The following CNBD1 variants were observed in gnomAD, a reference collection of about 807,000 sequenced individuals.
CNBD1 encodes cyclic nucleotide-binding domain-containing protein 1.
In CNBD1, 71 loss-of-function variants were observed where a neutral mutation model predicts 54.4. The observed-to-expected ratio is 1.30, with a 90% CI of 1.08 to 1.59. The LOEUF (loss-of-function observed/expected upper bound fraction) is 1.59. CNBD1 is among the 40% of genes most tolerant of loss of function. The pLI, the probability that CNBD1 is intolerant of heterozygous loss-of-function variation, is 0.00. For synonymous variants in CNBD1, 182 were observed against 170.7 expected (o/e 1.07, Z -0.51); for missense variants, 659 against 518.0 (o/e 1.27, Z -2.64).
chr8:86,898,410 C>G (rs1434931418), intron 2 of CNBD1, among the ~76,000 whole-genome samples: 1 of 152,060 alleles, frequency 6.6e-6, no homozygotes, highest in Non-Finnish European at 1.5e-5. Flanking sequence ...GAAATGAATA[C>G]TCAGATTCAA....
chr8:87,012,043 C>T (rs976319045), intron 4 of CNBD1, among the ~76,000 whole-genome samples: 1 of 152,116 alleles, frequency 6.6e-6, no homozygotes, highest in African/African-American at 2.4e-5. Flanking sequence ...GTGAAATTCT[C>T]TAGGGGACAT....
At chr8:87,416,468 C>G (rs1395809987) in intron 2 of CNBD1, among the ~76,000 whole-genome samples, 1 of 151,952 alleles carries the variant, frequency 6.6e-6, no homozygotes, top group Non-Finnish European at 1.5e-5. Flanking sequence ...CCCTATCCAG[C>G]TCTGGGGAAG....
chr8:87,248,898 A>C (rs993940427), intron 6 of CNBD1, among the ~76,000 whole-genome samples: 1 of 152,152 alleles, frequency 6.6e-6, no homozygotes, highest in African/African-American at 2.4e-5. Context: ...TAAATAAAAT[A>C]ATGAGAGGGC....
chr8:87,153,304 A>G (rs1384373233), intron 4 of CNBD1, among the ~76,000 whole-genome samples: 5 of 152,152 alleles, frequency 3.3e-5, no homozygotes, highest in East Asian at 1.9e-4. Context: ...TTCTACATCA[A>G]TTTTCTGGAT....
At chr8:87,321,825 T>A (rs1293641240) in intron 8 of CNBD1, among the ~76,000 whole-genome samples, 3 of 151,286 alleles carry the variant, frequency 2.0e-5, no homozygotes, top group Non-Finnish European at 4.4e-5. Context: ...TTTTATACTT[T>A]AAGTTTTAGG....
intron 1 of CNBD1, among the ~76,000 whole-genome samples, chr8:86,868,579 C>G (rs1238069915): frequency 6.6e-6 from 1 of 151,926 alleles, no homozygotes; most frequent in Non-Finnish European, 1.5e-5. Flanking sequence ...GATCTGCCCC[C>G]CTCAGCCTCC....
Position 87,260,000 on chromosome 8 carries a change from G to A in CNBD1, c.771+22888G>A, listed in dbSNP as rs74797715. ...ACAGTCCGTGGACAAGAAGAGAATCGACAAGGATACACAGACATTAAACCA... is the reference window on the plus strand; with the variant it reads ...ACAGTCCGTGGACAAGAAGAGAATCAACAAGGATACACAGACATTAAACCA... On this transcript the variant is annotated intron_variant, in intron 6 of 10. Coordinates refer to ENST00000518476, the MANE Select transcript of CNBD1 (RefSeq NM_173538.3). Among the ~76,000 whole-genome samples, 1,085 of 152,188 alleles carry A rather than the reference G, an allele frequency of 7.1e-3. 28 individuals carry two copies. Among genetic ancestry groups the A allele is most frequent in the Admixed American group, 0.041 (629 of 15,260 alleles).
At chr8:87,417,726 AATT>A (rs1323882505) in intron 2 of CNBD1, among the ~76,000 whole-genome samples, 1 of 149,800 alleles carries the variant, frequency 6.7e-6, no homozygotes, top group African/African-American at 2.5e-5. Context: ...AAATTAATAA[AATT>A]AATTTCATTT....
chr8:87,320,180 C>G (rs746108180), intron 8 of CNBD1, among the ~76,000 whole-genome samples: 3 of 152,044 alleles, frequency 2.0e-5, no homozygotes, highest in Non-Finnish European at 4.4e-5. Context: ...TTTTAACTCT[C>G]TTATACTAGC....
chr8:87,421,432 C>G (rs544369069), intron 2 of CNBD1, among the ~76,000 whole-genome samples: 1 of 126,144 alleles, frequency 7.9e-6, no homozygotes, highest in South Asian at 3.1e-4. Flanking sequence ...CCCCTCCCCC[C>G]ACCCCACAAC....
intron 4 of CNBD1, among the ~76,000 whole-genome samples, chr8:87,021,638 C>A (rs1424965248): frequency 6.6e-6 from 1 of 152,150 alleles, no homozygotes; most frequent in Non-Finnish European, 1.5e-5. Flanking sequence ...CTTGTTTGCA[C>A]AAAGGAGAAG....
intron 4 of CNBD1, among the ~76,000 whole-genome samples, chr8:87,080,521 A>G (rs1810969250): frequency 6.6e-6 from 1 of 152,032 alleles, no homozygotes; most frequent in African/African-American, 2.4e-5. Context: ...CAGTGAGCCA[A>G]GATTGTGCCA....
chr8:87,388,195 T>A (rs1811231584), intron 2 of CNBD1, among the ~76,000 whole-genome samples: 1 of 151,820 alleles, frequency 6.6e-6, no homozygotes. Context: ...TTAAAAGAAC[T>A]AGAGAAGCAA....
chr8:87,055,665 C>A (rs1006713971), intron 4 of CNBD1, among the ~76,000 whole-genome samples: 2 of 152,204 alleles, frequency 1.3e-5, no homozygotes, highest in Admixed American at 6.5e-5. Flanking sequence ...TCTCTGAGGA[C>A]TAGCCTTAGT....
At chr8:87,386,873 C>T (rs1811200612), downstream of CNBD1, among the ~76,000 whole-genome samples, 1 of 152,164 alleles carries the variant, frequency 6.6e-6, no homozygotes, top group East Asian at 1.9e-4. Context: ...TGGGGTTACC[C>T]ACAAAGGGAA....
intron 8 of CNBD1, among the ~76,000 whole-genome samples, chr8:87,309,587 G>T (rs1462935901): frequency 6.6e-6 from 1 of 152,070 alleles, no homozygotes; most frequent in East Asian, 1.9e-4. Context: ...GATAAGAAAA[G>T]TTTTTGTAGA....
intron 1 of CNBD1, among the ~76,000 whole-genome samples, chr8:86,872,193 T>C (rs931165811): frequency 2.0e-5 from 3 of 152,146 alleles, no homozygotes; most frequent in Admixed American, 6.5e-5. Context: ...AATTACACCA[T>C]CATAATCTTC....
intron 6 of CNBD1, among the ~76,000 whole-genome samples, chr8:87,276,831 T>C (rs7832918): frequency 0.28 from 42,500 of 151,310 alleles, 6,378 homozygotes; most frequent in African/African-American, 0.39. Context: ...TAAGGATAAA[T>C]AAATGAGCAG....
At chr8:87,223,708 G>A (rs1423811030) in intron 5 of CNBD1, among the ~76,000 whole-genome samples, 2 of 151,984 alleles carry the variant, frequency 1.3e-5, no homozygotes, top group African/African-American at 4.8e-5. Context: ...ACATACGTGT[G>A]CATGTGTCTT....
Sources: gnomAD v4.1 joint callset for allele counts (sites outside exome capture counted in the v4.1 genomes callset) on GRCh38, gnomAD v4.1.1 for gene constraint, MANE v1.5 for transcripts, NCBI Gene and HGNC (gene_info 2026-07-23, HGNC 2026-07-21) for gene names.